Variants in CEACAM19 observed in about 807,000 individuals in gnomAD.
CEACAM19 encodes cell adhesion molecule CEACAM19.
A neutral mutation model predicts 37.6 loss-of-function variants in CEACAM19; 37 were observed. The ratio of observed to expected loss-of-function variants is 0.98; its 90% CI spans 0.76 to 1.29. The LOEUF (loss-of-function observed/expected upper bound fraction) is 1.29. CEACAM19 is among the 50% of genes most tolerant of loss of function. The pLI is 0.00. For synonymous variants in CEACAM19, 140 were observed against 149.8 expected (o/e 0.93, Z 0.48); for missense variants, 340 against 375.6 (o/e 0.91, Z 0.78).
rs188022827 is a variant in CEACAM19, at chr19:44,672,797, G to A, written c.257G>A (p.Arg86Gln). Residue 86 changes from arginine to glutamine, a missense_variant, in exon 2 of 8, where the codon CGG becomes CAG. Coordinates refer to ENST00000358777, the MANE Select transcript of CEACAM19 (RefSeq NM_001127893.3). ...TTTACCTACATCCCTGGGATACAACGGCCTCAGAGGGATGGCAGTGCCATG... is the reference window on the plus strand; with the variant it reads ...TTTACCTACATCCCTGGGATACAACAGCCTCAGAGGGATGGCAGTGCCATG... ...RLFTYIPGIQRPQRDGSAMGQ... is the reference protein window; with the variant it reads ...RLFTYIPGIQQPQRDGSAMGQ... 242 of 1,590,308 alleles carry A rather than the reference G, an allele frequency of 1.5e-4. No homozygotes were observed. The highest frequency in any genetic ancestry group is 8.7e-4 in the Admixed American group (49 of 56,582).
upstream of CEACAM19, among the ~76,000 whole-genome samples, chr19:44,668,575 A>AGT (rs1973796146): frequency 1.2e-5 from 1 of 82,340 alleles, no homozygotes; most frequent in African/African-American, 5.2e-5. Context: ...TTATATATGT[A>AGT]TATAATTATA....
At chr19:44,665,876 CCT>C (rs943053627) in intron 1 of CEACAM19, 8 of 152,316 alleles carry the variant, frequency 5.3e-5, no homozygotes, top group African/African-American at 1.9e-4. Flanking sequence ...GCAGCAGAAA[CCT>C]CACCCAGCAG....
At position 44,680,792 on chromosome 19, in the gene CEACAM19, A is replaced by G. The variant is rs548484327; in HGVS notation, c.707-435A>G. 5.4e-3 allele frequency among the ~76,000 whole-genome samples: 824 copies of G among 152,242 alleles called. 7 individuals are homozygous for G. Among genetic ancestry groups the G allele is most frequent in the Non-Finnish European group, 8.1e-3 (554 of 68,016 alleles). ...CATGGTTCTCAAGGCCCTTCACAAG[A>G]CAGATCAAACACAGTTTCTGAAACA... is the stretch of plus-strand genomic sequence containing the variant. On this transcript the variant is annotated intron_variant, in intron 5 of 7. Transcript: ENST00000358777.
At chr19:44,672,384 C>T in intron 1 of CEACAM19, 1 of 497,196 alleles carries the variant, frequency 2.0e-6, no homozygotes, top group South Asian at 4.8e-5. Flanking sequence ...GTAGAAAAAC[C>T]TCTGGATCAA....
intron 4 of CEACAM19, among the ~76,000 whole-genome samples, chr19:44,679,880 A>T (rs1974023713): frequency 6.6e-6 from 1 of 152,192 alleles, no homozygotes. Flanking sequence ...CAGTGAGCTG[A>T]GATCACGCCA....
rs1354189969 is a variant in CEACAM19 at position 44,673,091 on chromosome 19, A to C, written c.424+127A>C. ...TTTATTCACTTGACACATATTGAGC[A>C]TCTACTGTGTACCAATCCCCAGAGA... On this transcript the variant is annotated intron_variant, in intron 2 of 7. Transcript: ENST00000358777. 15 of 731,812 alleles carry C rather than the reference A, an allele frequency of 2.0e-5. No homozygotes were observed. The East Asian group carries it at 4.6e-4, about 22-fold the overall frequency. The allele number at this position is 731,812 out of a possible 1,614,324, so 45.3% of individuals were successfully genotyped here.
At position 44,681,211 on chromosome 19, in the gene CEACAM19, C is replaced by T. The variant is rs1974051905; in HGVS notation, c.707-16C>T. ...GCCCATGTGTCAGCTGGTACCTCCCCTGGCCTCTGTTTCAGGTGACAACAA... is the reference window on the plus strand; with the variant it reads ...GCCCATGTGTCAGCTGGTACCTCCCTTGGCCTCTGTTTCAGGTGACAACAA... On this transcript the variant is annotated splice_polypyrimidine_tract_variant and intron_variant, in intron 5 of 7. Coordinates refer to ENST00000358777, the MANE Select transcript of CEACAM19 (RefSeq NM_001127893.3). The T allele has an allele frequency of 1.2e-6, 2 of 1,606,734 alleles. No individual in the cohort carries two copies. The highest frequency in any genetic ancestry group is 1.7e-6 in the Non-Finnish European group (2 of 1,173,592).
chr19:44,680,381 C>A (rs745840046), intron 5 of CEACAM19, 47 bp downstream of exon 5: 215 of 1,515,226 alleles, frequency 1.4e-4, no homozygotes, highest in Non-Finnish European at 1.9e-4. Context: ...CCTCTCAGCT[C>A]CTCCTTTCTC....
chr19:44,680,264 T>C, intron 4 of CEACAM19, 24 bp from the exon 5 acceptor site: 12 of 1,601,174 alleles, frequency 7.5e-6, no homozygotes, highest in Non-Finnish European at 9.4e-6. Context: ...TATCCTAATA[T>C]CAATTCCCTC....
chr19:44,668,598 C>T (rs1449787755), upstream of CEACAM19, among the ~76,000 whole-genome samples: 27 of 16,504 alleles, frequency 1.6e-3, 1 homozygote, highest in South Asian at 0.021. Flanking sequence ...ATTATATACA[C>T]ATATTATATA....
At chr19:44,668,403 G>A (rs1236939109), upstream of CEACAM19, among the ~76,000 whole-genome samples, 5 of 5,710 alleles carry the variant, frequency 8.8e-4, 1 homozygote, top group South Asian at 5.9e-3. Context: ...TATATAATAT[G>A]TTTATATATT....
Position 44,679,546 on chromosome 19 carries a change from G to A in CEACAM19, c.659+610G>A, listed in dbSNP as rs185883993. On this transcript the variant is annotated intron_variant, in intron 4 of 7. Coordinates refer to ENST00000358777, the MANE Select transcript of CEACAM19 (RefSeq NM_001127893.3). Reference sequence around the variant, plus strand: ...TGGCGGATCACGAGGTCAGGAAATCGAGACCATCCTGGCTAACACGGTGAA... The same window carrying A: ...TGGCGGATCACGAGGTCAGGAAATCAAGACCATCCTGGCTAACACGGTGAA... Among the ~76,000 whole-genome samples, 42 of 152,208 alleles carry A rather than the reference G, an allele frequency of 2.8e-4. 1 individual carries two copies. Among genetic ancestry groups the A allele is most frequent in the African/African-American group, 8.7e-4 (36 of 41,528 alleles).
chr19:44,668,465 T>C (rs1224173663), upstream of CEACAM19, among the ~76,000 whole-genome samples: 23 of 66,054 alleles, frequency 3.5e-4, no homozygotes, highest in East Asian at 4.4e-3. Flanking sequence ...ATATATAATA[T>C]ATATAATATA....
chr19:44,666,867 T>C (rs1355733322), upstream of CEACAM19: 1 of 151,930 alleles, frequency 6.6e-6, no homozygotes, highest in Non-Finnish European at 1.5e-5. Flanking sequence ...ATAATAACAA[T>C]GACAGGCATT....
At chr19:44,674,873 C>T (rs1282575450) in intron 2 of CEACAM19, among the ~76,000 whole-genome samples, 1 of 152,152 alleles carries the variant, frequency 6.6e-6, no homozygotes, top group Non-Finnish European at 1.5e-5. Flanking sequence ...ACTTGTGGAG[C>T]CTGAAGTGAC....
Position 44,672,624 on chromosome 19 carries a change from A to G in CEACAM19, c.84A>G (p.Gln28=). The change falls in exon 2 of 8, where the codon CAA becomes CAG. Residue 28 remains glutamine (Q), a synonymous_variant. Coordinates refer to ENST00000358777, the MANE Select transcript of CEACAM19 (RefSeq NM_001127893.3). Reference sequence around the variant, plus strand: ...CAATCCTGGTCCTCTGGATGCTCCAAGGCTCCCAGGCAGCTCTCTACATCC... The same window carrying G: ...CAATCCTGGTCCTCTGGATGCTCCAGGGCTCCCAGGCAGCTCTCTACATCC... ...SASILVLWML[Q]GSQAALYIQK... 1 of 1,484,256 alleles carries G rather than the reference A, an allele frequency of 6.7e-7. No individual in the cohort carries two copies. Among genetic ancestry groups the G allele is most frequent in the Non-Finnish European group, 9.0e-7 (1 of 1,116,044 alleles). The allele number at this position is 1,484,256 out of a possible 1,614,324, so 91.9% of individuals were successfully genotyped here. A position where few individuals can be genotyped will look rare whatever the true frequency, so the allele number is the denominator to read the frequency against.
chr19:44,666,645 G>C (rs1973719846), upstream of CEACAM19, among the ~76,000 whole-genome samples: 3 of 152,126 alleles, frequency 2.0e-5, no homozygotes. Context: ...ACTCCAGCTT[G>C]GGCGACAGAG....
At chr19:44,676,889 T>G (rs938701875) in intron 3 of CEACAM19, among the ~76,000 whole-genome samples, 2 of 152,224 alleles carry the variant, frequency 1.3e-5, no homozygotes, top group African/African-American at 4.8e-5. Context: ...GTGCTGAGAA[T>G]ACAGGCATGA....
intron 2 of CEACAM19, among the ~76,000 whole-genome samples, chr19:44,675,102 G>A (rs891589131): frequency 1.5e-5 from 2 of 133,636 alleles, no homozygotes; most frequent in Non-Finnish European, 3.2e-5. Flanking sequence ...AACAGCGTGT[G>A]TGTGTGTGTG....
Sources: gnomAD v4.1 joint callset for allele counts (sites outside exome capture counted in the v4.1 genomes callset) on GRCh38, gnomAD v4.1.1 for gene constraint, MANE v1.5 for transcripts, NCBI Gene and HGNC (gene_info 2026-07-23, HGNC 2026-07-21) for gene names.